Variants in TACC1 observed in about 807,000 individuals in gnomAD.
TACC1 encodes transforming acidic coiled-coil-containing protein 1.
TACC1 carries 48 observed loss-of-function variants against 84.4 expected under a neutral mutation model. The observed-to-expected ratio is 0.57, with a 90% CI of 0.45 to 0.72. The LOEUF (loss-of-function observed/expected upper bound fraction) is 0.72. Ranked by LOEUF, TACC1 falls within the 30% of genes least tolerant of loss-of-function variation. The pLI is 0.00. For missense variants in TACC1, 920 were observed against 973.0 expected, an observed-to-expected ratio of 0.95 and a Z score of 0.72; for synonymous variants, 372 against 376.3, an observed-to-expected ratio of 0.99 and a Z score of 0.13.
chr8:38,810,615 T>C (rs1483858042), intron 2 of TACC1, among the ~76,000 whole-genome samples: 2 of 151,302 alleles, frequency 1.3e-5, no homozygotes, highest in African/African-American at 4.9e-5. Flanking sequence ...AAAAAATAAA[T>C]AAATATTTAA....
At chr8:38,825,227 A>G (rs1827771737) in intron 3 of TACC1, 81 bp from the exon 4 acceptor site, 1 of 1,470,380 alleles carries the variant, frequency 6.8e-7, no homozygotes, top group Non-Finnish European at 9.5e-7. Context: ...ATCCGCACAC[A>G]CTGCTGTCTG....
intron 3 of TACC1, among the ~76,000 whole-genome samples, chr8:38,776,999 T>C (rs1021122067): frequency 1.3e-5 from 2 of 152,150 alleles, no homozygotes; most frequent in Non-Finnish European, 2.9e-5. Flanking sequence ...CTCACGCCTG[T>C]AATTCCAGCA....
In TACC1 at chr8:38,820,629, T is replaced by G; in HGVS notation, c.1385T>G (p.Leu462Ter). 6.2e-7 allele frequency: 1 copy of G among 1,603,974 alleles called. No individual in the cohort carries two copies. Among genetic ancestry groups the G allele is most frequent in the Non-Finnish European group, 8.5e-7 (1 of 1,178,844 alleles). ...TCACCCAAGAAGGCAAAGTCGCGTT[T>G]AATAACGTGAGTGACAGTGGGCGCT... ...LESPKKAKSR[L>*]ITSGCKVKKH... Residue 462 changes from leucine to a stop codon, truncating the protein, a stop_gained, in exon 3 of 13, where the codon TTA becomes TGA. Coordinates refer to ENST00000317827, the MANE Select transcript of TACC1 (RefSeq NM_006283.3). LOFTEE classifies it high-confidence loss of function.
chr8:38,809,929 G>C (rs933405297), intron 2 of TACC1, among the ~76,000 whole-genome samples: 4 of 152,142 alleles, frequency 2.6e-5, no homozygotes, highest in African/African-American at 9.7e-5. Flanking sequence ...GAGAATGGTA[G>C]TAAATGTTTA....
At chr8:38,792,879 C>T (rs1438729188) in intron 2 of TACC1, among the ~76,000 whole-genome samples, 4 of 152,124 alleles carry the variant, frequency 2.6e-5, no homozygotes, top group Admixed American at 1.3e-4. Context: ...GGATTACAGG[C>T]GTGAGCTACC....
At chr8:38,773,593 T>TCTAGCTATCTATCTAGCTAG (rs1563381984) in intron 3 of TACC1, among the ~76,000 whole-genome samples, 14 of 113,386 alleles carry the variant, frequency 1.2e-4, no homozygotes, top group African/African-American at 2.8e-4. Context: ...TATCTAGCTA[T>TCTAGCTATCTATCTAGCTAG]CTATCTATCT....
Position 38,787,531 on chromosome 8 carries a change from C to T in TACC1, c.-52C>T. Reference sequence around the variant, plus strand: ...CTCCATTTTGAAAGGGAAAAAGGCTCTCCCCACCCATTCCCCTGCCCCTAG... The same window carrying T: ...CTCCATTTTGAAAGGGAAAAAGGCTTTCCCCACCCATTCCCCTGCCCCTAG... On this transcript the variant is annotated 5_prime_UTR_variant, in exon 1 of 13. Coordinates refer to ENST00000317827, the MANE Select transcript of TACC1 (RefSeq NM_006283.3). 2 of 1,477,196 alleles carry T rather than the reference C, an allele frequency of 1.4e-6. No homozygotes were observed. The highest frequency in any genetic ancestry group is 2.8e-5 in the East Asian group (1 of 35,966). 91.5% of individuals were successfully genotyped at this position (1,477,196 alleles called of 1,614,324 possible).
chr8:38,736,278 TA>T (rs1412302431), intron 1 of TACC1, among the ~76,000 whole-genome samples: 1 of 152,208 alleles, frequency 6.6e-6, no homozygotes, highest in African/African-American at 2.4e-5. Context: ...GTAAGATATT[TA>T]CAAATAATAA....
At chr8:38,841,877 C>T (rs1478838604) in intron 9 of TACC1, among the ~76,000 whole-genome samples, 1 of 152,214 alleles carries the variant, frequency 6.6e-6, no homozygotes, top group Non-Finnish European at 1.5e-5. Flanking sequence ...AAACCAGAGT[C>T]TGTCCTTTCT....
chr8:38,782,559 T>G (rs1242692210), upstream of TACC1, among the ~76,000 whole-genome samples: 1 of 152,184 alleles, frequency 6.6e-6, no homozygotes, highest in Non-Finnish European at 1.5e-5. Flanking sequence ...CTGGGTCAAA[T>G]GCCCTCTTTT....
At chr8:38,733,769 C>T (rs908282051) in intron 1 of TACC1, among the ~76,000 whole-genome samples, 2 of 152,114 alleles carry the variant, frequency 1.3e-5, no homozygotes, top group African/African-American at 4.8e-5. Context: ...CTTCCTTCCT[C>T]ACCTCCAGGA....
At chr8:38,836,341 T>C in intron 7 of TACC1, 54 bp downstream of exon 7, 2 of 1,584,156 alleles carry the variant, frequency 1.3e-6, no homozygotes, top group South Asian at 1.1e-5. Context: ...GTAAGGCCCA[T>C]GTACCAGCAG....
Position 38,787,247 on chromosome 8 carries a change from C to G in TACC1, c.-336C>G. On this transcript the variant is annotated 5_prime_UTR_variant, in exon 1 of 13. Transcript: ENST00000317827. ...CGGCCGGGAGGCGGGAGTCCGCGAG[C>G]CGGGAGCGGGAGCAGCAGAGGTCTA... is the stretch of plus-strand genomic sequence containing the variant. 5 of 1,022,164 alleles carry G rather than the reference C, an allele frequency of 4.9e-6. No homozygotes were observed. Among genetic ancestry groups the G allele is most frequent in the Non-Finnish European group, 5.9e-6 (5 of 854,568 alleles). 63.3% of individuals were successfully genotyped at this position (1,022,164 alleles called of 1,614,324 possible).
intron 3 of TACC1, among the ~76,000 whole-genome samples, chr8:38,762,801 C>T (rs1023344958): frequency 3.3e-5 from 5 of 152,184 alleles, no homozygotes; most frequent in Non-Finnish European, 5.9e-5. Flanking sequence ...AGGTGATCCA[C>T]CCGCCTCGGC....
At chr8:38,772,131 T>C (rs963108178) in intron 3 of TACC1, among the ~76,000 whole-genome samples, 73 of 152,158 alleles carry the variant, frequency 4.8e-4, no homozygotes, top group African/African-American at 1.5e-3. Context: ...AATAAACGTG[T>C]TCAAATAAGA....
At chr8:38,808,511 C>A (rs1823291572) in intron 2 of TACC1, among the ~76,000 whole-genome samples, 1 of 152,236 alleles carries the variant, frequency 6.6e-6, no homozygotes, top group Non-Finnish European at 1.5e-5. Flanking sequence ...CTTCTGGACT[C>A]AAGTGGTCCT....
intron 2 of TACC1, among the ~76,000 whole-genome samples, chr8:38,793,343 G>T (rs1819200105): frequency 6.6e-6 from 1 of 152,096 alleles, no homozygotes; most frequent in African/African-American, 2.4e-5. Flanking sequence ...CATAGACCAA[G>T]CCCTGCCTGT....
chr8:38,752,570 C>G (rs1448784454), intron 3 of TACC1, among the ~76,000 whole-genome samples: 1 of 152,110 alleles, frequency 6.6e-6, no homozygotes, highest in Non-Finnish European at 1.5e-5. Flanking sequence ...GAGTGGAAAC[C>G]TTAACCACGG....
chr8:38,795,347 G>A (rs188996853), intron 2 of TACC1, among the ~76,000 whole-genome samples: 39 of 152,294 alleles, frequency 2.6e-4, no homozygotes, highest in African/African-American at 8.2e-4. Context: ...TAAGATGAGT[G>A]ACAAAATCAA....
Sources: allele counts gnomAD v4.1 joint callset (sites outside exome capture counted in the v4.1 genomes callset), GRCh38; gene constraint gnomAD v4.1.1; transcripts MANE v1.5; gene names NCBI Gene and HGNC (gene_info 2026-07-23, HGNC 2026-07-21).